Variants in CYB561D2 observed in about 807,000 individuals in gnomAD.
CYB561D2 encodes the protein cytochrome b561 family member D2, also known as transmembrane reductase CYB561D2.
In CYB561D2, 16 loss-of-function variants were observed where a neutral mutation model predicts 20.2. The ratio of observed to expected loss-of-function variants is 0.79; its 90% CI spans 0.53 to 1.20. The LOEUF (loss-of-function observed/expected upper bound fraction) is 1.20, where lower values mean the gene tolerates loss of function less well. Ranked by LOEUF, CYB561D2 falls within the 50% of genes most tolerant of loss-of-function variation. The pLI, the probability that CYB561D2 is intolerant of heterozygous loss-of-function variation, is 0.00. For synonymous variants in CYB561D2, 135 were observed against 128.3 expected, an observed-to-expected ratio of 1.05 and a Z score of -0.35; for missense variants, 247 against 270.3, an observed-to-expected ratio of 0.91 and a Z score of 0.60.
Position 50,351,495 on chromosome 3 carries a change from C to T in CYB561D2, c.62C>T (p.Ala21Val). The change falls in exon 2 of 4, where the codon GCT (alanine) becomes GTT (valine). Residue 21 changes from alanine to valine, a missense_variant. Ala to Val is a moderately conservative substitution (Grantham distance 64). Transcript: ENST00000425346. The stretch of plus-strand genomic sequence containing the variant: ...CGAGCTCTGCGTACTGCTTCTGGCG[C>T]TGCCGCCCACCTTGTGGCCCTGGGC... ...IYRALRTASGAAAHLVALGFT... is the reference protein window; with the variant it reads ...IYRALRTASGVAAHLVALGFT... 2 of 1,613,834 alleles carry T rather than the reference C, an allele frequency of 1.2e-6. No homozygotes were observed. The highest frequency in any genetic ancestry group is 1.7e-6 in the Non-Finnish European group (2 of 1,180,018).
chr3:50,353,229 CT>C lies in CYB561D2; in HGVS notation c.166-11del. ...CACCCTCACTTGAGCTTCCCATCCC[CT>C]GTTTCCTCAGTTCTCCTTCCTGATG... On this transcript the variant is annotated splice_polypyrimidine_tract_variant and intron_variant, in intron 3 of 3. Coordinates refer to ENST00000425346, the MANE Select transcript of CYB561D2 (RefSeq NM_001291284.2). The C allele has an allele frequency of 6.5e-7, 1 of 1,536,010 alleles. No individual in the cohort carries two copies. Among genetic ancestry groups the C allele is most frequent in the Non-Finnish European group, 8.8e-7 (1 of 1,136,338 alleles).
At chr3:50,352,099 T>A in intron 3 of CYB561D2, 53 bp downstream of exon 3, 1 of 1,597,668 alleles carries the variant, frequency 6.3e-7, no homozygotes, top group Admixed American at 1.7e-5. Flanking sequence ...GCATGGTTGG[T>A]GGCCCTGGCA....
chr3:50,351,546 C>T lies in CYB561D2; in HGVS notation c.113C>T (p.Ala38Val), dbSNP rs201921134. 7 of 1,610,682 alleles carry T rather than the reference C, an allele frequency of 4.3e-6. No homozygotes were observed. The highest frequency in any genetic ancestry group is 5.1e-6 in the Non-Finnish European group (6 of 1,178,586). ...TTTACCATCTTTGTGGCTGTGCTTG[C>T]CAGGCCTGGCTCCAGTAAGTAGAAT... is the stretch of plus-strand genomic sequence containing the variant. ...LGFTIFVAVL[A>V]RPGSSLFSWH... Residue 38 changes from alanine to valine, a missense_variant, in exon 2 of 4, where the codon GCC (alanine) becomes GTC (valine). By Grantham distance (64) the Ala-to-Val change is moderately conservative (BLOSUM62 0). Coordinates refer to ENST00000425346, the MANE Select transcript of CYB561D2 (RefSeq NM_001291284.2).
Position 50,353,136 on chromosome 3 carries a change from G to C in CYB561D2, c.166-105G>C, listed in dbSNP as rs1420670427. ...TTGTCAGTGGGGAGAGAAAGAAAAA[G>C]GGGAATCAGCCCAGACTCACTGGCA... On this transcript the variant is annotated intron_variant, in intron 3 of 3. Transcript: ENST00000425346. The C allele has an allele frequency of 5.9e-5, 86 of 1,453,780 alleles. 2 individuals are homozygous for C. In the South Asian group the frequency reaches 1.1e-3, roughly 19 times the overall value. The allele number at this position is 1,453,780 out of a possible 1,614,324, so 90.1% of individuals were successfully genotyped here. A position where few individuals can be genotyped will look rare whatever the true frequency, so the allele number is the denominator to read the frequency against.
Position 50,353,516 on chromosome 3 carries a change from G to A in CYB561D2, c.441G>A (p.Leu147=), listed in dbSNP as rs200800320. The part of the protein sequence containing the change: ...GGVGLLYPKL[L]PRWPLAKLKL... ...TGGGGCTGCTCTACCCCAAGCTGCTGCCCCGATGGCCCCTGGCGAAGCTCA... is the reference window on the plus strand; with the variant it reads ...TGGGGCTGCTCTACCCCAAGCTGCTACCCCGATGGCCCCTGGCGAAGCTCA... The change falls in exon 4 of 4, where the codon CTG becomes CTA. Residue 147 remains leucine (L), a synonymous_variant. Transcript: ENST00000425346. The A allele has an allele frequency of 1.3e-5, 21 of 1,613,630 alleles. No individual in the cohort carries two copies. The Admixed American group carries it at 3.5e-4, about 27-fold the overall frequency.
chr3:50,352,678 T>C (rs199925828), intron 3 of CYB561D2, among the ~76,000 whole-genome samples: 1 of 104,394 alleles, frequency 9.6e-6, no homozygotes, highest in Non-Finnish European at 1.7e-5. Context: ...AGAGAGAGAC[T>C]ATCTCCAAAA....
intron 3 of CYB561D2, among the ~76,000 whole-genome samples, chr3:50,352,903 T>C (rs1455287962): frequency 3.9e-5 from 6 of 152,218 alleles, no homozygotes; most frequent in African/African-American, 1.4e-4. Context: ...TGGCCAGCTC[T>C]TGCCAAGAAA....
chr3:50,350,985 GC>G lies in CYB561D2; in HGVS notation c.-26+2del. On this transcript the variant is annotated splice_donor_variant, in intron 1 of 3. Transcript: ENST00000425346. LOFTEE classifies it low-confidence loss of function (5UTR_SPLICE). This position sits in a 1 kb window ranked among gnomAD's most constrained non-coding sequence, Gnocchi z 5.7. ...CAGATCTGCGCTGCGGCAGAGGCAG[GC>G]AAGTCCCTAGCGTGGAGGGGCAGCA... 1.8e-6 allele frequency: 2 copies of G among 1,139,724 alleles called. No individual in the cohort carries two copies. Among genetic ancestry groups the G allele is most frequent in the Non-Finnish European group, 2.3e-6 (2 of 877,368 alleles). 70.6% of individuals were successfully genotyped at this position (1,139,724 alleles called of 1,614,324 possible).
Position 50,353,815 on chromosome 3 carries a change from C to A in CYB561D2, c.*71C>A. The A allele has an allele frequency of 6.6e-7, 1 of 1,507,850 alleles. No individual in the cohort carries two copies. The highest frequency in any genetic ancestry group is 8.9e-7 in the Non-Finnish European group (1 of 1,126,102). 93.4% of individuals were successfully genotyped at this position (1,507,850 alleles called of 1,614,324 possible). A position where few individuals can be genotyped will look rare whatever the true frequency, so the allele number is the denominator to read the frequency against. On this transcript the variant is annotated 3_prime_UTR_variant, in exon 4 of 4. Coordinates refer to ENST00000425346, the MANE Select transcript of CYB561D2 (RefSeq NM_001291284.2). The stretch of plus-strand genomic sequence containing the variant: ...GAGCTGGGCCTAGGGACCTGTTGAA[C>A]TCTCTCAGCTGAGTCAGGGGACACC...
chr3:50,351,563 A>T lies in CYB561D2; in HGVS notation c.127+3A>T. 6.2e-7 allele frequency: 1 copy of T among 1,611,838 alleles called. No individual in the cohort carries two copies. The highest frequency in any genetic ancestry group is 8.5e-7 in the Non-Finnish European group (1 of 1,178,926). ...TGTGCTTGCCAGGCCTGGCTCCAGT[A>T]AGTAGAATTCATAGCTGACTTCTGG... On this transcript the variant is annotated splice_donor_region_variant and intron_variant, in intron 2 of 3. Transcript: ENST00000425346.
chr3:50,352,354 C>T (rs1016084273), intron 3 of CYB561D2, among the ~76,000 whole-genome samples: 2 of 151,938 alleles, frequency 1.3e-5, no homozygotes, highest in African/African-American at 4.8e-5. Context: ...GTGGCACGCG[C>T]CTGTAGTCCC....
rs1442230388 is a variant in CYB561D2 at position 50,352,097 on chromosome 3, G to A, written c.165+51G>A. 3.1e-6 allele frequency: 5 copies of A among 1,599,540 alleles called. 1 individual carries two copies. Among genetic ancestry groups the A allele is most frequent in the East Asian group, 4.5e-5 (2 of 44,754 alleles). ...TAGGGGTGGGAGCATGGGCATGGTT[G>A]GTGGCCCTGGCAGCCTCTGAATCTT... On this transcript the variant is annotated intron_variant, in intron 3 of 3. Coordinates refer to ENST00000425346, the MANE Select transcript of CYB561D2 (RefSeq NM_001291284.2).
Position 50,353,622 on chromosome 3 carries a change from T to C in CYB561D2, c.547T>C (p.Phe183Leu). The C allele has an allele frequency of 2.5e-6, 4 of 1,613,736 alleles. No individual in the cohort carries two copies. The highest frequency in any genetic ancestry group is 3.4e-6 in the Non-Finnish European group (4 of 1,180,022). Residue 183 changes from phenylalanine (F) to leucine (L), a missense_variant, in exon 4 of 4, where the codon TTC becomes CTC. Transcript: ENST00000425346. ...SLLLGMCSLW[F>L]TASVTGAAWY... ...CTTGCTGGGCATGTGCTCACTCTGG[T>C]TCACTGCCTCTGTCACTGGTGCAGC...
Position 50,350,884 on chromosome 3 carries a change from G to C in CYB561D2, c.-126G>C. On this transcript the variant is annotated 5_prime_UTR_variant, in exon 1 of 4. Coordinates refer to ENST00000425346, the MANE Select transcript of CYB561D2 (RefSeq NM_001291284.2). The surrounding 1 kb of genome is among the most constrained non-coding windows in gnomAD (Gnocchi z 5.7). ...GGTAGACGTCGCACCCGGAAGTAAA[G>C]CGGCTCCGTGACGGAGCGGCGGTGC... 2 of 1,401,924 alleles carry C rather than the reference G, an allele frequency of 1.4e-6. No individual in the cohort carries two copies. The highest frequency in any genetic ancestry group is 1.8e-6 in the Non-Finnish European group (2 of 1,084,126). 86.8% of individuals were successfully genotyped at this position (1,401,924 alleles called of 1,614,324 possible).
Position 50,353,429 on chromosome 3 carries a change from G to A in CYB561D2, c.354G>A (p.Thr118=), listed in dbSNP as rs144353108. ...AGCTTGGCAAAGCCCACCTGGTTACGCGGCATGGGCAGGCAGGGCTGCTGG... is the reference window on the plus strand; with the variant it reads ...AGCTTGGCAAAGCCCACCTGGTTACACGGCATGGGCAGGCAGGGCTGCTGG... ...KEQLGKAHLV[T]RHGQAGLLAV... is the part of the protein sequence containing the mutation. Residue 118 remains threonine, a synonymous_variant, in exon 4 of 4, where the codon ACG becomes ACA. Coordinates refer to ENST00000425346, the MANE Select transcript of CYB561D2 (RefSeq NM_001291284.2). The A allele has an allele frequency of 5.9e-4, 948 of 1,613,306 alleles. 4 individuals carry two copies. The African/African-American group carries it at 0.011, about 18-fold the overall frequency.
chr3:50,351,422 G>A lies in CYB561D2; in HGVS notation c.-12G>A. The A allele has an allele frequency of 6.2e-7, 1 of 1,612,982 alleles. No individual in the cohort carries two copies. The highest frequency in any genetic ancestry group is 8.5e-7 in the Non-Finnish European group (1 of 1,179,474). The stretch of plus-strand genomic sequence containing the variant: ...CTATGCTTTCAGGCTACAACCACTA[G>A]CACGGCTGACGATGGCCCTTTCTGC... On this transcript the variant is annotated 5_prime_UTR_variant, in exon 2 of 4. Coordinates refer to ENST00000425346, the MANE Select transcript of CYB561D2 (RefSeq NM_001291284.2).
chr3:50,353,377 TC>T lies in CYB561D2; in HGVS notation c.303del (p.Gly102AlafsTer106). 1 of 1,613,478 alleles carries T rather than the reference TC, an allele frequency of 6.2e-7. No individual in the cohort carries two copies. The highest frequency in any genetic ancestry group is 8.5e-7 in the Non-Finnish European group (1 of 1,180,024). ...GCCCTGCTGTGTGCACTGCTGGGCC[TC>T]GGCCTTGTCATCCTCCACAAAGAGC... ...LLALLCALLG[L>X]GLVILHKEQL... On this transcript the variant is annotated frameshift_variant, in exon 4 of 4. Transcript: ENST00000425346. LOFTEE classifies it high-confidence loss of function.
chr3:50,352,112 C>A, intron 3 of CYB561D2, 66 bp downstream of exon 3: 6 of 1,561,286 alleles, frequency 3.8e-6, no homozygotes, highest in Non-Finnish European at 5.3e-6. Flanking sequence ...CCCTGGCAGC[C>A]TCTGAATCTT....
In CYB561D2 at chr3:50,350,944, G is replaced by C; in HGVS notation, c.-66G>C. The stretch of plus-strand genomic sequence containing the variant: ...GGCCCGGAGTATCCCGCTTTCTTTG[G>C]AGGAAACCACCGCATCAGATCTGCG... On this transcript the variant is annotated 5_prime_UTR_variant, in exon 1 of 4. Coordinates refer to ENST00000425346, the MANE Select transcript of CYB561D2 (RefSeq NM_001291284.2). This position sits in a 1 kb window ranked among gnomAD's most constrained non-coding sequence, Gnocchi z 5.7. 7.4e-7 allele frequency: 1 copy of C among 1,351,924 alleles called. No individual in the cohort carries two copies. The allele number at this position is 1,351,924 out of a possible 1,614,324, so 83.7% of individuals were successfully genotyped here.
Sources: allele counts gnomAD v4.1 joint callset (sites outside exome capture counted in the v4.1 genomes callset), GRCh38; gene constraint gnomAD v4.1.1; non-coding constraint Gnocchi (gnomAD v3.1); transcripts MANE v1.5; gene names NCBI Gene and HGNC (gene_info 2026-07-23, HGNC 2026-07-21).